CFAP74: variants seen among roughly 807,000 people sequenced by gnomAD.
CFAP74 encodes the protein cilia and flagella associated protein 74, also known as cilia- and flagella-associated protein 74.
In CFAP74, 124 loss-of-function variants were observed where a neutral mutation model predicts 188.9. That is an observed-to-expected ratio of 0.66 (90% CI 0.57 to 0.76). The LOEUF is 0.76. CFAP74 is among the 30% of genes least tolerant of loss of function. The probability of loss-of-function intolerance (pLI) is 0.00; values close to 1 mark genes in which losing one functional copy is unlikely to be tolerated. For missense variants in CFAP74, 2,198 were observed against 2,165.2 expected, an observed-to-expected ratio of 1.02 and a Z score of -0.30; for synonymous variants, 956 against 916.7, an observed-to-expected ratio of 1.04 and a Z score of -0.77.
intron 27 of CFAP74, 145 bp from the exon 28 acceptor site, chr1:1,927,891 G>A (rs967037589): frequency 6.0e-5 from 51 of 847,972 alleles, no homozygotes; most frequent in Middle Eastern, 3.1e-4. Flanking sequence ...ACCGGCGCCC[G>A]AGGAAGACAG....
At chr1:1,986,863 A>G (rs951671058) in intron 5 of CFAP74, 74 bp downstream of exon 5, 3 of 1,299,204 alleles carry the variant, frequency 2.3e-6, no homozygotes, top group Non-Finnish European at 3.3e-6. Context: ...TTCACGCCTC[A>G]CTTTGGGTGA....
At chr1:1,994,025 C>A (rs2889540) in intron 1 of CFAP74, among the ~76,000 whole-genome samples, 1 of 151,544 alleles carries the variant, frequency 6.6e-6, no homozygotes, top group African/African-American at 2.4e-5. Context: ...TGTAGCCAGG[C>A]GTGGTGGTGG....
intron 1 of CFAP74, 33 bp downstream of exon 1, chr1:2,003,668 C>A (rs1658311881): frequency 6.6e-6 from 1 of 152,118 alleles, no homozygotes; most frequent in Non-Finnish European, 1.5e-5. Flanking sequence ...CCAGCTCAGC[C>A]CCAGGGTCAA....
chr1:1,939,927 C>G (rs1653246939), intron 23 of CFAP74, among the ~76,000 whole-genome samples, 160 bp from the exon 24 acceptor site: 1 of 152,270 alleles, frequency 6.6e-6, no homozygotes, highest in Non-Finnish European at 1.5e-5. Context: ...TTCCCTGTGA[C>G]TGCTCCCTGA....
chr1:1,953,155 C>T (rs1012336607), intron 18 of CFAP74, among the ~76,000 whole-genome samples: 1 of 152,194 alleles, frequency 6.6e-6, no homozygotes, highest in Non-Finnish European at 1.5e-5. Flanking sequence ...GGGTGACTTA[C>T]ACTACCTGGC....
rs888171003 is a variant in CFAP74 at position 1,972,425 on chromosome 1, G to C, written c.786-343C>G. Among the ~76,000 whole-genome samples, 131 of 152,250 alleles carry C rather than the reference G, an allele frequency of 8.6e-4. 1 individual carries two copies. Among genetic ancestry groups the C allele is most frequent in the African/African-American group, 2.9e-3 (121 of 41,462 alleles). On this transcript the variant is annotated intron_variant, in intron 8 of 38. Transcript: ENST00000682832. ...ACATGGTGGGAACATGCCCTGGAGG[G>C]CCAGGCCACGAGGACATGGCGGGAA... is the stretch of plus-strand genomic sequence containing the variant.
chr1:1,932,214 GT>G (rs1652466023), intron 25 of CFAP74, among the ~76,000 whole-genome samples: 2 of 151,756 alleles, frequency 1.3e-5, no homozygotes, highest in African/African-American at 4.8e-5. Flanking sequence ...GGCTAACATG[GT>G]GAAACCCCGT....
chr1:1,927,036 G>A lies in CFAP74; in HGVS notation c.3528-8C>T. On this transcript the variant is annotated splice_region_variant and splice_polypyrimidine_tract_variant and intron_variant, in intron 28 of 38. Coordinates refer to ENST00000682832, the MANE Select transcript of CFAP74 (RefSeq NM_001304360.2). ...GCCTGGTACTCGTCGGAACTAGAAG[G>A]AAGTCAGAGGCTTGCGCTCCCGCCT... 1 of 1,550,170 alleles carries A rather than the reference G, an allele frequency of 6.5e-7. No homozygotes were observed. Among genetic ancestry groups the A allele is most frequent in the East Asian group, 2.4e-5 (1 of 40,908 alleles).
intron 20 of CFAP74, among the ~76,000 whole-genome samples, chr1:1,945,919 G>T (rs1245295749): frequency 6.9e-6 from 1 of 144,412 alleles, no homozygotes; most frequent in African/African-American, 2.6e-5. Context: ...TGTGTGTGAG[G>T]ACTCTGCATG....
At chr1:1,967,079 A>T (rs558022179) in intron 11 of CFAP74, among the ~76,000 whole-genome samples, 4 of 151,960 alleles carry the variant, frequency 2.6e-5, no homozygotes, top group South Asian at 4.2e-4. Flanking sequence ...CTCATGATCC[A>T]CTCACCCTAG....
rs1329668725 is a variant in CFAP74 at position 1,970,902 on chromosome 1, T to G, written c.889-86A>C. The G allele has an allele frequency of 7.2e-6, 11 of 1,522,972 alleles. No individual in the cohort carries two copies. The East Asian group carries it at 2.5e-4, about 35-fold the overall frequency. The allele number at this position is 1,522,972 out of a possible 1,614,324, so 94.3% of individuals were successfully genotyped here. On this transcript the variant is annotated intron_variant, in intron 9 of 38. Coordinates refer to ENST00000682832, the MANE Select transcript of CFAP74 (RefSeq NM_001304360.2). Reference sequence around the variant, plus strand: ...ACACCTGCACATGTGCACACACAGGTTCATACATGCACACGTGCACACACG... The same window carrying G: ...ACACCTGCACATGTGCACACACAGGGTCATACATGCACACGTGCACACACG...
chr1:1,973,087 A>C lies in CFAP74; in HGVS notation c.675-40T>G. 6.8e-7 allele frequency: 1 copy of C among 1,469,520 alleles called. No homozygotes were observed. Among genetic ancestry groups the C allele is most frequent in the African/African-American group, 1.4e-5 (1 of 71,846 alleles). The allele number at this position is 1,469,520 out of a possible 1,614,324, so 91.0% of individuals were successfully genotyped here. A position where few individuals can be genotyped will look rare whatever the true frequency, so the allele number is the denominator to read the frequency against. ...GGCCGTCAGAGGGAAACTCGGCATC[A>C]CACGTCCCATCTGCCCCCAAGCCCT... On this transcript the variant is annotated intron_variant, in intron 7 of 38. Coordinates refer to ENST00000682832, the MANE Select transcript of CFAP74 (RefSeq NM_001304360.2). This position sits in a 1 kb window ranked among gnomAD's most constrained non-coding sequence, Gnocchi z 6.2.
At position 1,923,943 on chromosome 1, in the gene CFAP74, G is replaced by A; in HGVS notation, c.4235-14C>T. 2 of 1,600,824 alleles carry A rather than the reference G, an allele frequency of 1.2e-6. No homozygotes were observed. The highest frequency in any genetic ancestry group is 1.1e-5 in the South Asian group (1 of 89,158). ...GATTCTGCGTCCCTGCGGGTAGGGTGGGGTGCAGTTTGGCCTTCTCCACCT... is the reference window on the plus strand; with the variant it reads ...GATTCTGCGTCCCTGCGGGTAGGGTAGGGTGCAGTTTGGCCTTCTCCACCT... On this transcript the variant is annotated splice_polypyrimidine_tract_variant and intron_variant, in intron 34 of 38. Transcript: ENST00000682832. This position sits in a 1 kb window ranked among gnomAD's most constrained non-coding sequence, Gnocchi z 6.3.
rs1287286954 is a variant in CFAP74 at position 1,973,188 on chromosome 1, G to GA, written c.675-142dup. On this transcript the variant is annotated intron_variant, in intron 7 of 38. Coordinates refer to ENST00000682832, the MANE Select transcript of CFAP74 (RefSeq NM_001304360.2). This position sits in a 1 kb window ranked among gnomAD's most constrained non-coding sequence, Gnocchi z 6.2. ...TCTGTCCCGCACAGCCTCCCTTGGG[G>GA]AGGAGCGAGGGTCCCTGGAGAGCTG... is the stretch of plus-strand genomic sequence containing the variant. 1.6e-6 allele frequency: 1 copy of GA among 624,540 alleles called. No homozygotes were observed. Among genetic ancestry groups the GA allele is most frequent in the Admixed American group, 2.9e-5 (1 of 34,066 alleles). 38.7% of individuals were successfully genotyped at this position (624,540 alleles called of 1,614,324 possible).
chr1:1,952,441 C>A (rs1233038064), intron 18 of CFAP74, among the ~76,000 whole-genome samples: 1 of 151,348 alleles, frequency 6.6e-6, no homozygotes, highest in Non-Finnish European at 1.5e-5. Flanking sequence ...TATCAATCAT[C>A]ACAACACATT....
At chr1:1,992,772 C>A (rs1284851979) in intron 1 of CFAP74, among the ~76,000 whole-genome samples, 1 of 152,022 alleles carries the variant, frequency 6.6e-6, no homozygotes, top group Admixed American at 6.6e-5. Flanking sequence ...CCACGCCTGG[C>A]CCAAAAACAA....
intron 18 of CFAP74, 84 bp from the exon 19 acceptor site, chr1:1,947,138 C>G: frequency 1.0e-6 from 1 of 978,172 alleles, no homozygotes; most frequent in Non-Finnish European, 1.6e-6. Flanking sequence ...TGGTCACCAC[C>G]TCCAAACCCA....
At position 2,001,547 on chromosome 1, in the gene CFAP74, C is replaced by T. The variant is rs140938183; in HGVS notation, c.-20+2154G>A. Among the ~76,000 whole-genome samples the T allele has an allele frequency of 2.9e-3, 447 of 152,214 alleles. 2 individuals are homozygous for T. Among genetic ancestry groups the T allele is most frequent in the African/African-American group, 0.01 (429 of 41,516 alleles). On this transcript the variant is annotated intron_variant, in intron 1 of 38. Coordinates refer to ENST00000682832, the MANE Select transcript of CFAP74 (RefSeq NM_001304360.2). ...TTCACCGTGTTAGCCAGGATGGTCT[C>T]GATCTACTGACCTCGTGATCCGCCC...
chr1:1,952,632 A>C (rs1210157866), intron 18 of CFAP74, among the ~76,000 whole-genome samples: 2 of 151,814 alleles, frequency 1.3e-5, no homozygotes, highest in African/African-American at 4.9e-5. Flanking sequence ...TAGTTAAATG[A>C]GGAGATAATG....
Sources: gnomAD v4.1 joint callset for allele counts (sites outside exome capture counted in the v4.1 genomes callset) on GRCh38, gnomAD v4.1.1 for gene constraint, Gnocchi (gnomAD v3.1) non-coding constraint, MANE v1.5 for transcripts, NCBI Gene and HGNC (gene_info 2026-07-23, HGNC 2026-07-21) for gene names.